Variants in GRM8 observed in about 807,000 individuals in gnomAD.
GRM8 encodes glutamate metabotropic receptor 8.
In GRM8, 47 loss-of-function variants were observed where a neutral mutation model predicts 87.2. The observed-to-expected ratio is 0.54, with a 90% CI of 0.43 to 0.69. The LOEUF (loss-of-function observed/expected upper bound fraction) is 0.69, where lower values mean the gene tolerates loss of function less well. Among genes scored for constraint, GRM8 ranks in the 30% least tolerant of loss-of-function variants. The pLI, the probability that GRM8 is intolerant of heterozygous loss-of-function variation, is 0.00. For missense variants in GRM8, 1,019 were observed against 1,139.2 expected (o/e 0.89, Z 1.52); for synonymous variants, 396 against 404.5 (o/e 0.98, Z 0.25).
intron 7 of GRM8, among the ~76,000 whole-genome samples, chr7:126,637,213 A>T (rs1410424007): frequency 6.6e-6 from 1 of 152,088 alleles, no homozygotes; most frequent in Non-Finnish European, 1.5e-5. Context: ...TGACACCAGA[A>T]ATCTATTTTT....
intron 6 of GRM8, among the ~76,000 whole-genome samples, chr7:126,828,222 C>A (rs1251831165): frequency 6.6e-6 from 1 of 152,146 alleles, no homozygotes; most frequent in Non-Finnish European, 1.5e-5. Flanking sequence ...TGATGCTGGC[C>A]TCATAAAATG....
At chr7:126,506,710 C>A (rs964692585) in intron 9 of GRM8, among the ~76,000 whole-genome samples, 1 of 151,358 alleles carries the variant, frequency 6.6e-6, no homozygotes, top group African/African-American at 2.4e-5. Context: ...GCCCAGGAAA[C>A]AAAGGTTGCC....
At chr7:126,509,644 A>T (rs1433461219) in intron 9 of GRM8, among the ~76,000 whole-genome samples, 1 of 152,052 alleles carries the variant, frequency 6.6e-6, no homozygotes, top group Non-Finnish European at 1.5e-5. Context: ...CTCCAATTAC[A>T]CAGATTTTTT....
chr7:126,569,493 T>G lies in GRM8; in HGVS notation c.1495-35606A>C, dbSNP rs143838530. Among the ~76,000 whole-genome samples, 436 of 152,278 alleles carry G rather than the reference T, an allele frequency of 2.9e-3. 1 individual carries two copies. Among genetic ancestry groups the G allele is most frequent in the Non-Finnish European group, 5.1e-3 (346 of 68,032 alleles). ...TTCTACTACAGGAAGAAAACGACAC[T>G]TTGTGTCCACATCAGAGCTGCCAGT... On this transcript the variant is annotated intron_variant, in intron 8 of 10. Transcript: ENST00000339582.
intron 8 of GRM8, among the ~76,000 whole-genome samples, chr7:126,558,678 A>C (rs887608874): frequency 6.6e-6 from 1 of 152,336 alleles, no homozygotes; most frequent in East Asian, 1.9e-4. Flanking sequence ...GATGAGAAAA[A>C]AAAGTCTTTA....
At chr7:126,510,828 C>T (rs961994490) in intron 9 of GRM8, among the ~76,000 whole-genome samples, 1 of 152,102 alleles carries the variant, frequency 6.6e-6, no homozygotes, top group Non-Finnish European at 1.5e-5. Flanking sequence ...TCACTGCCCT[C>T]CATGTGACAT....
chr7:126,476,288 G>A (rs1189428523), intron 9 of GRM8, among the ~76,000 whole-genome samples: 1 of 152,040 alleles, frequency 6.6e-6, no homozygotes, highest in Non-Finnish European at 1.5e-5. Context: ...AGGCATAGTG[G>A]CATATGCCTG....
chr7:126,491,174 T>C (rs1448666289), intron 9 of GRM8, among the ~76,000 whole-genome samples: 1 of 152,044 alleles, frequency 6.6e-6, no homozygotes, highest in Non-Finnish European at 1.5e-5. Context: ...ATTTCAAAAA[T>C]AAGCACTGTT....
intron 9 of GRM8, among the ~76,000 whole-genome samples, chr7:126,481,446 C>G (rs960810798): frequency 6.6e-6 from 1 of 151,992 alleles, no homozygotes; most frequent in Admixed American, 6.6e-5. Flanking sequence ...GGTTCATTCA[C>G]ATGTAATAAA....
chr7:126,522,664 C>T (rs1813173296), intron 9 of GRM8, among the ~76,000 whole-genome samples: 1 of 152,168 alleles, frequency 6.6e-6, no homozygotes, highest in Non-Finnish European at 1.5e-5. Flanking sequence ...AAACAATGCC[C>T]AACTTTCCCT....
At chr7:126,759,295 A>C (rs1459213237) in intron 7 of GRM8, among the ~76,000 whole-genome samples, 1 of 152,192 alleles carries the variant, frequency 6.6e-6, no homozygotes, top group Non-Finnish European at 1.5e-5. Flanking sequence ...CTCCATTATA[A>C]TTTTTGAGTA....
chr7:127,248,177 G>A (rs1471613889), intron 1 of GRM8, among the ~76,000 whole-genome samples: 1 of 152,132 alleles, frequency 6.6e-6, no homozygotes, highest in East Asian at 1.9e-4. Flanking sequence ...TTTATAATAT[G>A]TATCAGATAA....
chr7:127,230,554 C>T (rs1229817888), intron 2 of GRM8, among the ~76,000 whole-genome samples: 1 of 152,082 alleles, frequency 6.6e-6, no homozygotes, highest in South Asian at 2.1e-4. Flanking sequence ...GAATGTGTAT[C>T]CCCCACCAGA....
In GRM8 at chr7:126,829,601, C is replaced by T. The variant is rs1317759368; in HGVS notation, c.1157-59536G>A. On this transcript the variant is annotated intron_variant, in intron 6 of 10. Transcript: ENST00000339582. ...TATTTTGAGCCTATGTGTGTCACTG[C>T]ACATGAGATGGGTTTCCTGAATACA... 1.3e-4 allele frequency among the ~76,000 whole-genome samples: 20 copies of T among 151,932 alleles called. No homozygotes were observed. In the East Asian group the frequency reaches 2.9e-3, roughly 22 times the overall value.
intron 6 of GRM8, among the ~76,000 whole-genome samples, chr7:126,840,862 G>A (rs754989487): frequency 4.4e-4 from 67 of 152,178 alleles, no homozygotes; most frequent in Non-Finnish European, 8.1e-4. Flanking sequence ...TATAAACAAT[G>A]TTTGTTAGAT....
At chr7:126,563,827 A>G (rs1793953610) in intron 8 of GRM8, among the ~76,000 whole-genome samples, 1 of 152,260 alleles carries the variant, frequency 6.6e-6, no homozygotes. Context: ...AAGATAGTTT[A>G]TTTTAGAACT....
chr7:126,727,656 T>C (rs1484319632), intron 7 of GRM8, among the ~76,000 whole-genome samples: 2 of 151,472 alleles, frequency 1.3e-5, no homozygotes, highest in Admixed American at 6.6e-5. Context: ...TTTTAAAGCA[T>C]ACCTGGTGGA....
intron 3 of GRM8, among the ~76,000 whole-genome samples, chr7:127,060,269 T>C (rs1820478998): frequency 6.6e-6 from 1 of 152,170 alleles, no homozygotes; most frequent in African/African-American, 2.4e-5. Context: ...ATTTAATGTA[T>C]GGCTTTGAAT....
chr7:126,451,179 C>G (rs1421858678), intron 9 of GRM8, among the ~76,000 whole-genome samples: 4 of 151,798 alleles, frequency 2.6e-5, no homozygotes, highest in African/African-American at 9.7e-5. Flanking sequence ...GGGTCACTCC[C>G]TTCGGTGCCT....
Sources: gnomAD v4.1 joint callset for allele counts (sites outside exome capture counted in the v4.1 genomes callset) on GRCh38, gnomAD v4.1.1 for gene constraint, MANE v1.5 for transcripts, NCBI Gene and HGNC (gene_info 2026-07-23, HGNC 2026-07-21) for gene names.